Variants in RBFOX3 observed in about 807,000 individuals in gnomAD.
RBFOX3 encodes the protein RNA binding fox-1 homolog 3, also known as RNA binding protein fox-1 homolog 3.
Under a neutral mutation model 48.7 loss-of-function variants are expected in RBFOX3, and 17 were observed. The observed-to-expected ratio is 0.35, with a 90% CI of 0.24 to 0.52. RBFOX3 has a LOEUF of 0.52. Ranked by LOEUF, RBFOX3 falls within the 20% of genes least tolerant of loss-of-function variation. The pLI, the probability that RBFOX3 is intolerant of heterozygous loss-of-function variation, is 0.94. For synonymous variants in RBFOX3, 212 were observed against 209.5 expected, an observed-to-expected ratio of 1.01 and a Z score of -0.10; for missense variants, 382 against 497.5, an observed-to-expected ratio of 0.77 and a Z score of 2.21.
the RBFOX3 span, among the ~76,000 whole-genome samples, chr17:79,619,236 A>T: frequency 6.6e-6 from 1 of 152,228 alleles, no homozygotes; most frequent in African/African-American, 2.4e-5. Flanking sequence ...CCAGCACAAA[A>T]GCATGGATTC....
chr17:79,259,756 G>A (rs141213335), intron 3 of RBFOX3, among the ~76,000 whole-genome samples: 1 of 152,264 alleles, frequency 6.6e-6, no homozygotes, highest in Non-Finnish European at 1.5e-5. Flanking sequence ...TGGCCTGGGT[G>A]TCTAGGTGCC....
chr17:79,500,559 T>C (rs1226937454), intron 1 of RBFOX3, among the ~76,000 whole-genome samples: 1 of 152,164 alleles, frequency 6.6e-6, no homozygotes, highest in East Asian at 1.9e-4. Context: ...GCCCAGTCAT[T>C]GATTGTTGTT....
chr17:79,331,217 C>A (rs142698203), intron 2 of RBFOX3, among the ~76,000 whole-genome samples: 1 of 152,204 alleles, frequency 6.6e-6, no homozygotes, highest in Non-Finnish European at 1.5e-5. Context: ...CCTGCTGTCC[C>A]TTCGGCCACC....
At chr17:79,621,134 G>A in the RBFOX3 span, among the ~76,000 whole-genome samples, 2 of 152,004 alleles carry the variant, frequency 1.3e-5, no homozygotes, top group Non-Finnish European at 2.9e-5. Flanking sequence ...AAGTAGCTGG[G>A]ACTACAGGCA....
chr17:79,170,427 G>A (rs2049028682), intron 4 of RBFOX3, among the ~76,000 whole-genome samples: 1 of 152,132 alleles, frequency 6.6e-6, no homozygotes, highest in African/African-American at 2.4e-5. Flanking sequence ...AGGGCCAGGG[G>A]AGGGAAGGTG....
chr17:79,499,700 C>T (rs1398238403), intron 1 of RBFOX3, among the ~76,000 whole-genome samples: 2 of 152,186 alleles, frequency 1.3e-5, no homozygotes, highest in East Asian at 3.9e-4. Context: ...TAAAATGGGG[C>T]AATAATAACT....
chr17:79,656,695 AG>A, the RBFOX3 span, among the ~76,000 whole-genome samples: 1,313 of 30,116 alleles, frequency 0.044, 52 homozygotes, highest in Non-Finnish European at 0.11. Context: ...GAAGGAAGGA[AG>A]GAAGGAAGGA....
rs2078938608 is a variant in RBFOX3 at position 79,482,724 on chromosome 17, C to A, written c.-319-126G>T. ...AGCTTCAAAGCCAACTGTTTGCCAC[C>A]AGGGATCGAGGGATTGAGGGATCAG... On this transcript the variant is annotated intron_variant, in intron 1 of 14. Coordinates refer to ENST00000693108, the MANE Select transcript of RBFOX3 (RefSeq NM_001350451.2). This position sits in a 1 kb window ranked among gnomAD's most constrained non-coding sequence, Gnocchi z 4.1. 1 of 152,136 alleles carries A rather than the reference C, an allele frequency of 6.6e-6. No individual in the cohort carries two copies. The highest frequency in any genetic ancestry group is 1.5e-5 in the Non-Finnish European group (1 of 68,014). The allele number at this position is 152,136 out of a possible 1,614,324, so 9.4% of individuals were successfully genotyped here.
In RBFOX3 at chr17:79,095,518, G is replaced by A. The variant is rs551189632; in HGVS notation, c.993C>T (p.Ser331=). The A allele has an allele frequency of 4.5e-5, 70 of 1,551,248 alleles. No individual in the cohort carries two copies. The highest frequency in any genetic ancestry group is 5.3e-5 in the Non-Finnish European group (61 of 1,146,698). The change falls in exon 13 of 15, where the codon AGC becomes AGT. Residue 331 remains serine, a synonymous_variant. Coordinates refer to ENST00000693108, the MANE Select transcript of RBFOX3 (RefSeq NM_001350451.2). ...GTGCTGGCCCCCGGCCTCACCTGTC[G>A]CTGTAGGCTGCCGCCGCTGCAGCGG... ...AQPAAAAAAY[S]DSYGRVYAAA...
At chr17:79,388,340 G>A (rs1018941158) in intron 2 of RBFOX3, among the ~76,000 whole-genome samples, 4 of 152,144 alleles carry the variant, frequency 2.6e-5, no homozygotes, top group East Asian at 1.9e-4. Flanking sequence ...GCATGACCAC[G>A]GCTGAACGAG....
the RBFOX3 span, among the ~76,000 whole-genome samples, chr17:79,643,352 CA>C: frequency 6.6e-6 from 1 of 152,122 alleles, no homozygotes. Flanking sequence ...AATCTATAAT[CA>C]TAGTTGGAAA....
chr17:79,284,886 G>A (rs776577201), intron 3 of RBFOX3, among the ~76,000 whole-genome samples: 8 of 152,130 alleles, frequency 5.3e-5, no homozygotes, highest in Non-Finnish European at 5.9e-5. Context: ...GGTCATGAAG[G>A]GGCTGGAGAT....
At chr17:79,650,917 G>C in the RBFOX3 span, among the ~76,000 whole-genome samples, 2 of 152,178 alleles carry the variant, frequency 1.3e-5, no homozygotes, top group Non-Finnish European at 2.9e-5. Flanking sequence ...TGCCTCTCGT[G>C]GGGGTGACAG....
chr17:79,258,133 T>C (rs2065176954), intron 3 of RBFOX3, among the ~76,000 whole-genome samples: 1 of 152,122 alleles, frequency 6.6e-6, no homozygotes, highest in Non-Finnish European at 1.5e-5. Flanking sequence ...TTATGACTCT[T>C]GGAAAATGCA....
intron 1 of RBFOX3, among the ~76,000 whole-genome samples, chr17:79,521,295 CACAGAT>C (rs1480963127): frequency 1.3e-5 from 2 of 151,016 alleles, no homozygotes; most frequent in East Asian, 3.9e-4. Context: ...CAGACACACT[CACAGAT>C]ACACACACAT....
intron 5 of RBFOX3, among the ~76,000 whole-genome samples, chr17:79,114,996 C>A (rs767080830): frequency 1.3e-5 from 2 of 152,198 alleles, no homozygotes; most frequent in Non-Finnish European, 2.9e-5. Flanking sequence ...TGATTGGAGG[C>A]CAGCCAAGCA....
intron 1 of RBFOX3, among the ~76,000 whole-genome samples, chr17:79,582,590 C>T (rs2093108597): frequency 1.3e-5 from 2 of 151,954 alleles, no homozygotes; most frequent in South Asian, 2.1e-4. Flanking sequence ...ATTGCTTGAG[C>T]CTACGCATTT....
the RBFOX3 span, among the ~76,000 whole-genome samples, chr17:79,650,537 G>T: frequency 1.3e-5 from 2 of 152,098 alleles, no homozygotes; most frequent in Non-Finnish European, 2.9e-5. Flanking sequence ...CCACTAGGAC[G>T]TGAACCAGAG....
At chr17:79,117,811 C>T (rs768577489) in intron 4 of RBFOX3, among the ~76,000 whole-genome samples, 4 of 152,236 alleles carry the variant, frequency 2.6e-5, no homozygotes, top group South Asian at 2.1e-4. Flanking sequence ...AGCCCCTGCT[C>T]CCTGCTGGTG....
Sources: allele counts gnomAD v4.1 joint callset (sites outside exome capture counted in the v4.1 genomes callset), GRCh38; gene constraint gnomAD v4.1.1; non-coding constraint Gnocchi (gnomAD v3.1); transcripts MANE v1.5; gene names NCBI Gene and HGNC (gene_info 2026-07-23, HGNC 2026-07-21).